Variants in NMT2 observed in about 807,000 individuals in gnomAD.
NMT2 encodes the protein N-myristoyltransferase 2.
NMT2 carries 35 observed loss-of-function variants against 65.4 expected under a neutral mutation model. That is an observed-to-expected ratio of 0.54 (90% confidence interval 0.41 to 0.71). The LOEUF (loss-of-function observed/expected upper bound fraction) is 0.71, where lower values mean the gene tolerates loss of function less well. NMT2 is among the 30% of genes least tolerant of loss of function. NMT2 has a pLI of 0.00. For missense variants in NMT2, 489 were observed against 611.3 expected (o/e 0.80, Z 2.11); for synonymous variants, 226 against 231.8 (o/e 0.98, Z 0.23).
chr10:15,132,437 T>C (rs1846317538), intron 6 of NMT2, among the ~76,000 whole-genome samples: 1 of 151,916 alleles, frequency 6.6e-6, no homozygotes, highest in South Asian at 2.1e-4. Flanking sequence ...TTTATTTTTA[T>C]TTTTTTTGAG....
chr10:15,120,496 C>T lies in NMT2; in HGVS notation c.1000-983G>A, dbSNP rs1173628982. ...TAAAGTATACAGGAGGATGTGCATA[C>T]ATTATATGCAAATACACAATGCTAC... is the stretch of plus-strand genomic sequence containing the variant. On this transcript the variant is annotated intron_variant, in intron 8 of 11. Coordinates refer to ENST00000378165, the MANE Select transcript of NMT2 (RefSeq NM_004808.3). Among the ~76,000 whole-genome samples the T allele has an allele frequency of 5.9e-5, 9 of 152,152 alleles. No homozygotes were observed. The South Asian group carries it at 1.9e-3, about 32-fold the overall frequency.
chr10:15,142,889 T>C (rs1846825672), intron 1 of NMT2, among the ~76,000 whole-genome samples: 1 of 152,202 alleles, frequency 6.6e-6, no homozygotes, highest in African/African-American at 2.4e-5. Context: ...GTATATTCTC[T>C]GGTTTGGGAG....
intron 10 of NMT2, 131 bp downstream of exon 10, chr10:15,112,665 G>GATGATCAATAGTTTTTTT (rs1048423336): frequency 3.6e-6 from 3 of 843,610 alleles, no homozygotes; most frequent in Non-Finnish European, 5.3e-6. Flanking sequence ...TCCTTTGACT[G>GATGATCAATAGTTTTTTT]ATGATCAATA....
intron 6 of NMT2, among the ~76,000 whole-genome samples, chr10:15,131,269 C>T (rs1375692707): frequency 6.6e-6 from 1 of 151,344 alleles, no homozygotes; most frequent in Non-Finnish European, 1.5e-5. Context: ...TATACGTTTT[C>T]AGTTTAGAAA....
chr10:15,125,881 G>A (rs1445739176), intron 8 of NMT2, among the ~76,000 whole-genome samples: 1 of 152,110 alleles, frequency 6.6e-6, no homozygotes, highest in East Asian at 2.0e-4. Context: ...TGGCCAGGGT[G>A]GCCTCGATCT....
intron 1 of NMT2, among the ~76,000 whole-genome samples, chr10:15,153,171 C>T (rs1252188528): frequency 3.9e-5 from 6 of 152,112 alleles, no homozygotes; most frequent in Admixed American, 6.5e-5. Flanking sequence ...TGGTGGCTCA[C>T]GCCTGTAATC....
intron 1 of NMT2, among the ~76,000 whole-genome samples, chr10:15,163,249 G>A (rs929428708): frequency 6.6e-6 from 1 of 152,110 alleles, no homozygotes; most frequent in South Asian, 2.1e-4. Context: ...TTTTTAAAAC[G>A]TCATTAACAT....
chr10:15,166,964 T>C (rs1184367393), intron 1 of NMT2, among the ~76,000 whole-genome samples: 1 of 152,052 alleles, frequency 6.6e-6, no homozygotes, highest in African/African-American at 2.4e-5. Flanking sequence ...AAACAGAAAT[T>C]ACAGCAGAGA....
At chr10:15,112,750 A>G in intron 10 of NMT2, 46 bp downstream of exon 10, 1 of 1,550,972 alleles carries the variant, frequency 6.4e-7, no homozygotes, top group African/African-American at 1.4e-5. Context: ...AGTTTGGCAC[A>G]GACATTTGGA....
Position 15,109,754 on chromosome 10 carries a change from T to C in NMT2, c.1424A>G (p.Asn475Ser), listed in dbSNP as rs1845444890. The part of the protein sequence containing the change: ...EKLKFGIGDG[N>S]LQYYLYNWRC... Reference sequence around the variant, plus strand: ...CCAATTGTACAGGTAATACTGCAAATTGCCATCTCCTATACCAAACTTGAG... The same window carrying C: ...CCAATTGTACAGGTAATACTGCAAACTGCCATCTCCTATACCAAACTTGAG... Residue 475 changes from asparagine to serine, a missense_variant, in exon 11 of 12, where the codon AAT (asparagine) becomes AGT (serine). Coordinates refer to ENST00000378165, the MANE Select transcript of NMT2 (RefSeq NM_004808.3). The C allele has an allele frequency of 3.1e-6, 5 of 1,613,882 alleles. No homozygotes were observed. The highest frequency in any genetic ancestry group is 1.1e-5 in the South Asian group (1 of 91,050).
chr10:15,139,084 C>T (rs1417795498), intron 2 of NMT2, among the ~76,000 whole-genome samples: 1 of 152,086 alleles, frequency 6.6e-6, no homozygotes. Flanking sequence ...ACTGGCCTAG[C>T]CTCCCAGCCT....
At chr10:15,132,670 T>C (rs1410822767) in intron 6 of NMT2, 147 bp downstream of exon 6, 2 of 523,706 alleles carry the variant, frequency 3.8e-6, no homozygotes, top group Non-Finnish European at 6.9e-6. Flanking sequence ...TCAGGTGATC[T>C]ATCTGCCTCA....
chr10:15,123,677 G>A (rs1479303664), intron 8 of NMT2, among the ~76,000 whole-genome samples: 3 of 152,122 alleles, frequency 2.0e-5, no homozygotes, highest in East Asian at 1.9e-4. Flanking sequence ...ATAGTGAAGC[G>A]GTCATGTTTT....
At chr10:15,112,623 A>G (rs1201479570) in intron 10 of NMT2, among the ~76,000 whole-genome samples, 173 bp downstream of exon 10, 2 of 152,160 alleles carry the variant, frequency 1.3e-5, no homozygotes, top group Admixed American at 6.5e-5. Flanking sequence ...AATAGCCTCT[A>G]AAGTTTCAAA....
Position 15,107,957 on chromosome 10 carries a change from T to C in NMT2, c.*1238A>G. ...AGACATTTTCCATTAGCATGACACA[T>C]GACAGTTTTCATGATAAAATCAGCA... On this transcript the variant is annotated 3_prime_UTR_variant, in exon 12 of 12. Coordinates refer to ENST00000378165, the MANE Select transcript of NMT2 (RefSeq NM_004808.3). 1 of 985,588 alleles carries C rather than the reference T, an allele frequency of 1.0e-6. No homozygotes were observed. Among genetic ancestry groups the C allele is most frequent in the Non-Finnish European group, 1.2e-6 (1 of 829,708 alleles). The allele number at this position is 985,588 out of a possible 1,614,324, so 61.1% of individuals were successfully genotyped here.
intron 1 of NMT2, among the ~76,000 whole-genome samples, chr10:15,159,609 G>C (rs1833118351): frequency 6.6e-6 from 1 of 152,106 alleles, no homozygotes; most frequent in South Asian, 2.1e-4. Context: ...TGTATTTTCA[G>C]TAGAGATGGG....
At chr10:15,155,133 C>G (rs1043734301) in intron 1 of NMT2, 3 of 1,501,994 alleles carry the variant, frequency 2.0e-6, no homozygotes, top group Non-Finnish European at 2.8e-6. Flanking sequence ...AAAGTCACCA[C>G]CCTGACACAA....
chr10:15,145,177 GT>G (rs1846920467), intron 1 of NMT2, among the ~76,000 whole-genome samples: 1 of 152,202 alleles, frequency 6.6e-6, no homozygotes, highest in Admixed American at 6.5e-5. Context: ...ATAATTCCAT[GT>G]CTATAAAACG....
intron 8 of NMT2, among the ~76,000 whole-genome samples, chr10:15,127,865 T>A (rs1243510035): frequency 1.3e-5 from 2 of 150,896 alleles, no homozygotes; most frequent in East Asian, 3.9e-4. Flanking sequence ...ATTGTGCCAT[T>A]GCGCTGAAGG....
Sources: allele counts gnomAD v4.1 joint callset (sites outside exome capture counted in the v4.1 genomes callset), GRCh38; gene constraint gnomAD v4.1.1; transcripts MANE v1.5; gene names NCBI Gene and HGNC (gene_info 2026-07-23, HGNC 2026-07-21).